EPB41L3: variants seen among roughly 807,000 people sequenced by gnomAD.
EPB41L3 encodes erythrocyte membrane protein band 4.1 like 3, also known as band 4.1-like protein 3.
A neutral mutation model predicts 127.1 loss-of-function variants in EPB41L3; 57 were observed. That is an observed-to-expected ratio of 0.45 (90% CI 0.36 to 0.56). The LOEUF is 0.56. Ranked by LOEUF, EPB41L3 falls within the 20% of genes least tolerant of loss-of-function variation. The pLI is 0.00. For synonymous variants in EPB41L3, 572 were observed against 549.5 expected (o/e 1.04, Z -0.57); for missense variants, 1,273 against 1,372.2 (o/e 0.93, Z 1.14).
chr18:5,624,012 T>A (rs1052923595), intron 1 of EPB41L3, among the ~76,000 whole-genome samples: 3 of 152,086 alleles, frequency 2.0e-5, no homozygotes, highest in Non-Finnish European at 4.4e-5. Context: ...GAATAAACTT[T>A]TTTTTTAAGA....
intron 9 of EPB41L3, among the ~76,000 whole-genome samples, chr18:5,426,369 G>A (rs1265376096): frequency 6.6e-6 from 1 of 152,006 alleles, no homozygotes; most frequent in African/African-American, 2.4e-5. Flanking sequence ...TGATTATCCT[G>A]GACTTTTCCC....
intron 3 of EPB41L3, among the ~76,000 whole-genome samples, chr18:5,452,365 AGT>A (rs2082395336): frequency 6.7e-6 from 1 of 148,480 alleles, no homozygotes; most frequent in South Asian, 2.1e-4. Flanking sequence ...CACAGACACA[AGT>A]GCCTAAAATC....
intron 1 of EPB41L3, among the ~76,000 whole-genome samples, chr18:5,531,182 G>C (rs1241923016): frequency 6.6e-6 from 1 of 152,210 alleles, no homozygotes; most frequent in Non-Finnish European, 1.5e-5. Context: ...GTAGATGAGT[G>C]TATGTTTCTG....
intron 1 of EPB41L3, among the ~76,000 whole-genome samples, chr18:5,502,569 T>C (rs9944608): frequency 0.18 from 27,293 of 152,152 alleles, 2,634 homozygotes; most frequent in African/African-American, 0.24. Flanking sequence ...TGATGCCTTA[T>C]TTTAAACTCT....
In EPB41L3 at chr18:5,598,427, G is replaced by A. The variant is rs562370554; in HGVS notation, c.-306+13913C>T. On this transcript the variant is annotated intron_variant, in intron 3 of 21. Coordinates refer to the EPB41L3 transcript ENST00000545076. Reference sequence around the variant, plus strand: ...TACTTTTCATAAAAGTATGTCATTCGTTTATGTTAACATGTAATGGTTTAC... The same window carrying A: ...TACTTTTCATAAAAGTATGTCATTCATTTATGTTAACATGTAATGGTTTAC... Among the ~76,000 whole-genome samples the A allele has an allele frequency of 2.0e-4, 30 of 152,034 alleles. No individual in the cohort carries two copies. In the South Asian group the frequency reaches 4.6e-3, roughly 23 times the overall value.
intron 16 of EPB41L3, chr18:5,401,044 C>A: frequency 6.5e-7 from 1 of 1,532,616 alleles, no homozygotes; most frequent in South Asian, 1.2e-5. Flanking sequence ...CTTCTTTGGT[C>A]TGTTTGAATA....
chr18:5,507,978 A>G (rs572593359), intron 1 of EPB41L3, among the ~76,000 whole-genome samples: 2 of 152,346 alleles, frequency 1.3e-5, no homozygotes, highest in African/African-American at 4.8e-5. Flanking sequence ...ACGTGCTTAC[A>G]TGAACTCCAC....
At chr18:5,442,978 C>T (rs927872030) in intron 5 of EPB41L3, among the ~76,000 whole-genome samples, 1 of 152,182 alleles carries the variant, frequency 6.6e-6, no homozygotes, top group African/African-American at 2.4e-5. Context: ...ATTTATATGG[C>T]TCTTCCATGA....
intron 3 of EPB41L3, among the ~76,000 whole-genome samples, chr18:5,575,061 T>C (rs2094323972): frequency 6.6e-6 from 1 of 152,178 alleles, no homozygotes; most frequent in African/African-American, 2.4e-5. Context: ...TGCCCACTAC[T>C]AACTAGGGTT....
chr18:5,427,424 C>T (rs974406144), intron 9 of EPB41L3, among the ~76,000 whole-genome samples: 6 of 152,028 alleles, frequency 3.9e-5, no homozygotes, highest in Non-Finnish European at 8.8e-5. Flanking sequence ...AAGATATAAA[C>T]GTAAGTTGAT....
rs191018198 is a variant in EPB41L3 at position 5,497,646 on chromosome 18, A to G, written c.-11-8452T>C. Among the ~76,000 whole-genome samples, 824 of 152,316 alleles carry G rather than the reference A, an allele frequency of 5.4e-3. 11 individuals are homozygous for G. Among genetic ancestry groups the G allele is most frequent in the African/African-American group, 0.017 (727 of 41,562 alleles). ...ATTCTTCTAGACTGGATGCTCCATC[A>G]CCTTTAACACGGGAAATCATTCATG... is the stretch of plus-strand genomic sequence containing the variant. On this transcript the variant is annotated intron_variant, in intron 1 of 22. Coordinates refer to ENST00000341928, the MANE Select transcript of EPB41L3 (RefSeq NM_012307.5).
At chr18:5,593,632 G>C (rs891645648) in intron 3 of EPB41L3, among the ~76,000 whole-genome samples, 1 of 152,102 alleles carries the variant, frequency 6.6e-6, no homozygotes, top group African/African-American at 2.4e-5. Flanking sequence ...GAGAGCAACC[G>C]GTCTGACCAA....
chr18:5,515,354 ATTC>A (rs2092707447), intron 1 of EPB41L3, among the ~76,000 whole-genome samples: 1 of 152,186 alleles, frequency 6.6e-6, no homozygotes, highest in Non-Finnish European at 1.5e-5. Flanking sequence ...GCAAATATGA[ATTC>A]TTCAACCATT....
In EPB41L3 at chr18:5,396,246, T is replaced by G. The variant is rs2073435071; in HGVS notation, c.2928A>C (p.Pro976=). Residue 976 remains proline, a synonymous_variant, in exon 19 of 23, where the codon CCA becomes CCC. Coordinates refer to ENST00000341928, the MANE Select transcript of EPB41L3 (RefSeq NM_012307.5). ...TGGTTTTGGTTTCGGTGTGAACTAC[T>G]GGCACTTCCTTCGTGGAAATTTCTA... ...VKLEISTKEV[P]VVHTETKTIT... is the part of the protein sequence containing the mutation. 6.2e-7 allele frequency: 1 copy of G among 1,614,140 alleles called. No individual in the cohort carries two copies. Among genetic ancestry groups the G allele is most frequent in the South Asian group, 1.1e-5 (1 of 91,094 alleles).
chr18:5,394,851 C>T (rs2073082054), intron 21 of EPB41L3, 58 bp from the exon 22 acceptor site: 4 of 1,522,924 alleles, frequency 2.6e-6, no homozygotes, highest in Non-Finnish European at 3.6e-6. Context: ...CATGCATGAT[C>T]AGTGGTGAGG....
chr18:5,527,010 T>TA (rs33920388), intron 1 of EPB41L3, among the ~76,000 whole-genome samples: 4,431 of 139,608 alleles, frequency 0.032, 69 homozygotes, highest in African/African-American at 0.045. Context: ...ATTCATTGGT[T>TA]AAAAAAAAAA....
chr18:5,435,553 G>A (rs920061789), intron 6 of EPB41L3, among the ~76,000 whole-genome samples: 16 of 152,200 alleles, frequency 1.1e-4, no homozygotes, highest in Non-Finnish European at 1.5e-5. Context: ...TAGCCTAGGA[G>A]CCATGGGCTT....
In EPB41L3 at chr18:5,397,222, C is replaced by T. The variant is rs1382455128; in HGVS notation, c.2677G>A (p.Glu893Lys). 8.7e-6 allele frequency: 14 copies of T among 1,614,216 alleles called. No homozygotes were observed. The highest frequency in any genetic ancestry group is 1.0e-5 in the Non-Finnish European group (12 of 1,180,052). Reference protein sequence around the residue: ...QPAFTGIKGKEGSALTEGAKE... With the variant: ...QPAFTGIKGKKGSALTEGAKE... ...GCCCCCTCCGTCAAGGCAGAGCCCTCTTTCCCTTTAATGCCTGTGAATGCG... is the reference window on the plus strand; with the variant it reads ...GCCCCCTCCGTCAAGGCAGAGCCCTTTTTCCCTTTAATGCCTGTGAATGCG... The change falls in exon 18 of 23, where the codon GAG becomes AAG. Residue 893 changes from glutamate (E) to lysine (K), a missense_variant. Transcript: ENST00000341928. The surrounding 1 kb of genome is among the most constrained non-coding windows in gnomAD (Gnocchi z 4.1).
At chr18:5,438,861 T>G (rs1313639828) in intron 5 of EPB41L3, among the ~76,000 whole-genome samples, 1 of 152,214 alleles carries the variant, frequency 6.6e-6, no homozygotes, top group Non-Finnish European at 1.5e-5. Context: ...CTCACAAGTA[T>G]CTACTCTCTG....
Sources: gnomAD v4.1 joint callset for allele counts (sites outside exome capture counted in the v4.1 genomes callset) on GRCh38, gnomAD v4.1.1 for gene constraint, Gnocchi (gnomAD v3.1) non-coding constraint, MANE v1.5 for transcripts, NCBI Gene and HGNC (gene_info 2026-07-23, HGNC 2026-07-21) for gene names.